Variants in ACSL1 observed in about 807,000 individuals in gnomAD.
ACSL1 encodes acyl-CoA synthetase long chain family member 1.
In ACSL1, 41 loss-of-function variants were observed where a neutral mutation model predicts 98.4. The ratio of observed to expected loss-of-function variants is 0.42; its 90% CI spans 0.32 to 0.54. The LOEUF (loss-of-function observed/expected upper bound fraction) is 0.54, where lower values mean the gene tolerates loss of function less well. Among genes scored for constraint, ACSL1 ranks in the 20% least tolerant of loss-of-function variants. The pLI, the probability that ACSL1 is intolerant of heterozygous loss-of-function variation, is 0.13. For synonymous variants in ACSL1, 316 were observed against 322.7 expected (o/e 0.98, Z 0.22); for missense variants, 734 against 883.1 (o/e 0.83, Z 2.14).
chr4:184,765,741 A>G (rs1232031155), intron 14 of ACSL1, 150 bp downstream of exon 14: 4 of 630,490 alleles, frequency 6.3e-6, no homozygotes, highest in East Asian at 3.0e-5. Context: ...TACATACATC[A>G]AAACATCATG....
chr4:184,782,916 T>C (rs1766558954), intron 4 of ACSL1, among the ~76,000 whole-genome samples: 1 of 152,168 alleles, frequency 6.6e-6, no homozygotes, highest in Non-Finnish European at 1.5e-5. Flanking sequence ...GAACGATCCC[T>C]TCCACAGACG....
In ACSL1 at chr4:184,756,982, A is replaced by G; in HGVS notation, c.*143T>C. The G allele has an allele frequency of 3.8e-6, 4 of 1,057,000 alleles. No homozygotes were observed. Among genetic ancestry groups the G allele is most frequent in the Non-Finnish European group, 5.3e-6 (4 of 751,694 alleles). The allele number at this position is 1,057,000 out of a possible 1,614,324, so 65.5% of individuals were successfully genotyped here. A position where few individuals can be genotyped will look rare whatever the true frequency, so the allele number is the denominator to read the frequency against. ...GTGTTCTCTTTCCTCTAGCATTCCT[A>G]TGAGAAGAACCCCGAATGGACAAGT... On this transcript the variant is annotated 3_prime_UTR_variant, in exon 21 of 21. Coordinates refer to ENST00000281455, the MANE Select transcript of ACSL1 (RefSeq NM_001995.5).
chr4:184,797,997 T>C (rs58515625), intron 2 of ACSL1, among the ~76,000 whole-genome samples: 15,394 of 152,320 alleles, frequency 0.1, 953 homozygotes, highest in Non-Finnish European at 0.14. Context: ...TGCTAACATA[T>C]GGATGTACAA....
chr4:184,788,329 T>C (rs1767756030), intron 3 of ACSL1: 3 of 497,904 alleles, frequency 6.0e-6, no homozygotes, highest in South Asian at 3.3e-5. Flanking sequence ...GACCTCTTTA[T>C]TGCAGGAAAC....
chr4:184,802,706 C>G (rs1417995330), intron 2 of ACSL1, among the ~76,000 whole-genome samples: 2 of 152,234 alleles, frequency 1.3e-5, no homozygotes, highest in Non-Finnish European at 2.9e-5. Flanking sequence ...GTTTCATTTT[C>G]CTAACATGAG....
chr4:184,808,441 C>T, intron 1 of ACSL1: 2 of 985,410 alleles, frequency 2.0e-6, no homozygotes, highest in Non-Finnish European at 2.4e-6. Context: ...CTCAAACAAA[C>T]CCACATAAAT....
rs148085301 is a variant in ACSL1, at chr4:184,813,221, G to A, written c.-32-9675C>T. On this transcript the variant is annotated intron_variant, in intron 1 of 20. Coordinates refer to ENST00000281455, the MANE Select transcript of ACSL1 (RefSeq NM_001995.5). ...CTAAATTTTGGCGGTACATATTTAA[G>A]AGGGCAAGTTTCCATTCAAAAAATT... Among the ~76,000 whole-genome samples, 607 of 152,268 alleles carry A rather than the reference G, an allele frequency of 4.0e-3. 7 individuals are homozygous for A. The highest frequency in any genetic ancestry group is 0.014 in the African/African-American group (581 of 41,554).
intron 10 of ACSL1, among the ~76,000 whole-genome samples, chr4:184,772,362 G>A (rs1427812203): frequency 6.6e-6 from 1 of 152,148 alleles, no homozygotes; most frequent in Non-Finnish European, 1.5e-5. Flanking sequence ...AAAAATCAGA[G>A]CTACAGAATA....
At chr4:184,778,251 C>A (rs751064199) in intron 5 of ACSL1, among the ~76,000 whole-genome samples, 3 of 152,208 alleles carry the variant, frequency 2.0e-5, no homozygotes, top group Non-Finnish European at 4.4e-5. Flanking sequence ...AGAACTCTGA[C>A]ACACAGGACA....
At chr4:184,816,984 T>G (rs1025640451) in intron 1 of ACSL1, among the ~76,000 whole-genome samples, 3 of 152,138 alleles carry the variant, frequency 2.0e-5, no homozygotes, top group Admixed American at 2.0e-4. Context: ...ATTGAGGATA[T>G]GCAAGTCAGC....
At chr4:184,763,060 C>A (rs1763077417) in intron 16 of ACSL1, 107 bp downstream of exon 16, 2 of 1,143,172 alleles carry the variant, frequency 1.7e-6, no homozygotes, top group Admixed American at 5.2e-5. Flanking sequence ...CCAATGAAGT[C>A]AAGTTCAATG....
intron 18 of ACSL1, 172 bp from the exon 19 acceptor site, chr4:184,758,092 ACTC>A: frequency 1.7e-6 from 1 of 587,154 alleles, no homozygotes; most frequent in Non-Finnish European, 2.9e-6. Flanking sequence ...CAGATTAAGA[ACTC>A]CTGGCTCTAA....
chr4:184,815,024 T>A, intron 1 of ACSL1: 1 of 456,246 alleles, frequency 2.2e-6, no homozygotes, highest in Non-Finnish European at 4.4e-6. Flanking sequence ...TCAGCAAGTT[T>A]AGGATATCAA....
chr4:184,799,459 A>G (rs1239130477), intron 2 of ACSL1, among the ~76,000 whole-genome samples: 2 of 152,010 alleles, frequency 1.3e-5, no homozygotes, highest in Admixed American at 1.3e-4. Context: ...TACCCAACAG[A>G]ACTTAGACTC....
intron 2 of ACSL1, among the ~76,000 whole-genome samples, chr4:184,791,905 T>A (rs1768440804): frequency 6.6e-6 from 1 of 152,122 alleles, no homozygotes; most frequent in South Asian, 2.1e-4. Flanking sequence ...AGAAAAGAGA[T>A]GAAGTTTAGC....
At chr4:184,775,617 G>A (rs1000330610) in intron 7 of ACSL1, among the ~76,000 whole-genome samples, 5 of 152,066 alleles carry the variant, frequency 3.3e-5, no homozygotes, top group Admixed American at 1.3e-4. Flanking sequence ...CAAGAGAGAA[G>A]GTTCTGTTAG....
At chr4:184,765,821 T>A in intron 14 of ACSL1, 70 bp downstream of exon 14, 1 of 1,341,546 alleles carries the variant, frequency 7.5e-7, no homozygotes, top group South Asian at 1.2e-5. Flanking sequence ...ACAGTACAGA[T>A]GACTTTTGGT....
chr4:184,812,197 C>T (rs972948050), intron 1 of ACSL1: 2 of 985,288 alleles, frequency 2.0e-6, no homozygotes, highest in African/African-American at 3.5e-5. Context: ...ATGCTTCTTC[C>T]TCTCCCCGGC....
At chr4:184,802,537 T>C (rs1386988550) in intron 2 of ACSL1, among the ~76,000 whole-genome samples, 2 of 146,850 alleles carry the variant, frequency 1.4e-5, no homozygotes, top group Non-Finnish European at 3.0e-5. Context: ...AGGTGAGGAG[T>C]GGAAGCACCA....
Sources: gnomAD v4.1 joint callset for allele counts (sites outside exome capture counted in the v4.1 genomes callset) on GRCh38, gnomAD v4.1.1 for gene constraint, MANE v1.5 for transcripts, NCBI Gene and HGNC (gene_info 2026-07-23, HGNC 2026-07-21) for gene names.